The following CHIC1 variants were observed in gnomAD, a reference collection of about 807,000 sequenced individuals.
The protein encoded by CHIC1 is cysteine-rich hydrophobic domain-containing protein 1.
A neutral mutation model predicts 18.5 loss-of-function variants in CHIC1; 7 were observed. That is an observed-to-expected ratio of 0.38 (90% confidence interval 0.22 to 0.71). The LOEUF (loss-of-function observed/expected upper bound fraction) is 0.71, where lower values mean the gene tolerates loss of function less well. Ranked by LOEUF, CHIC1 falls within the 30% of genes least tolerant of loss-of-function variation. CHIC1 has a pLI of 0.49. For synonymous variants in CHIC1, 77 were observed against 73.5 expected (o/e 1.05, Z -0.25); for missense variants, 159 against 176.9 (o/e 0.90, Z 0.57).
intron 3 of CHIC1, among the ~76,000 whole-genome samples, chrX:73,675,935 A>G (rs2058060015): frequency 9.0e-6 from 1 of 110,498 alleles, no homozygotes; most frequent in Non-Finnish European, 1.9e-5. Flanking sequence ...TGGTGGTGAC[A>G]AAATCTCTCA....
At chrX:73,626,709 C>T (rs2057785058) in intron 3 of CHIC1, among the ~76,000 whole-genome samples, 1 of 110,843 alleles carries the variant, frequency 9.0e-6, no homozygotes, top group African/African-American at 3.3e-5. Context: ...TCTTTGTTAT[C>T]TTGAATTTCT....
intron 3 of CHIC1, among the ~76,000 whole-genome samples, chrX:73,636,810 T>C (rs2057833197): frequency 9.0e-6 from 1 of 111,282 alleles, no homozygotes; most frequent in South Asian, 3.8e-4. Flanking sequence ...TATATATCTG[T>C]TCCTCTGACA....
rs770180014 is a variant in CHIC1, at chrX:73,682,304, G to A, written c.*1299G>A. On this transcript the variant is annotated 3_prime_UTR_variant, in exon 6 of 6. Coordinates refer to ENST00000373502, the MANE Select transcript of CHIC1 (RefSeq NM_001039840.4). ...CTCTATTTTTCTTCACAATTAAAAT[G>A]ATTGCTAGCACCACACAACTAGAAT... is the stretch of plus-strand genomic sequence containing the variant. The A allele has an allele frequency of 9.0e-6, 1 of 111,716 alleles. No individual in the cohort carries two copies. The highest frequency in any genetic ancestry group is 1.9e-5 in the Non-Finnish European group (1 of 52,831). The allele number at this position is 111,716 out of a possible 1,213,427, so 9.2% of individuals were successfully genotyped here.
intron 3 of CHIC1, among the ~76,000 whole-genome samples, chrX:73,627,180 G>C (rs968843382): frequency 1.9e-5 from 2 of 105,409 alleles, no homozygotes; most frequent in African/African-American, 7.1e-5. Flanking sequence ...TCTCTGTTCT[G>C]AGCCATCTAA....
At chrX:73,670,503 T>A (rs1045535853) in intron 3 of CHIC1, among the ~76,000 whole-genome samples, 1 of 111,109 alleles carries the variant, frequency 9.0e-6, no homozygotes, top group Non-Finnish European at 1.9e-5. Flanking sequence ...ATCTATATTA[T>A]TTTTTCTACT....
chrX:73,590,577 A>G lies in CHIC1; in HGVS notation c.507+6005A>G, dbSNP rs1263023890. Among the ~76,000 whole-genome samples, 3 of 111,730 alleles carry G rather than the reference A, an allele frequency of 2.7e-5. No individual in the cohort carries two copies. The Admixed American group carries it at 2.9e-4, about 11-fold the overall frequency. ...AGCCATCATCATAGTATCGTACAGA[A>G]TAGCAGTTTCACTGCCCTAAAACTC... On this transcript the variant is annotated intron_variant, in intron 3 of 5. Coordinates refer to ENST00000373502, the MANE Select transcript of CHIC1 (RefSeq NM_001039840.4).
Position 73,601,515 on chromosome X carries a change from G to C in CHIC1, c.507+16943G>C, listed in dbSNP as rs1449493324. On this transcript the variant is annotated intron_variant, in intron 3 of 5. Transcript: ENST00000373502. ...TAAAGATGTTCTTTGAAACCAACGA[G>C]AACAAAGACACAACATACCAGAATG... 3.8e-5 allele frequency among the ~76,000 whole-genome samples: 4 copies of C among 106,467 alleles called. No homozygotes were observed. The East Asian group carries it at 1.2e-3, about 31-fold the overall frequency. The allele number at this position is 106,467 out of a possible 115,157, so 92.5% of individuals were successfully genotyped here.
intron 3 of CHIC1, among the ~76,000 whole-genome samples, chrX:73,601,613 G>T (rs1258581065): frequency 9.6e-6 from 1 of 103,745 alleles, no homozygotes; most frequent in Non-Finnish European, 1.9e-5. Flanking sequence ...AAGCAGGAAA[G>T]ATCCAAAATT....
chrX:73,638,960 T>A (rs2057842991), intron 3 of CHIC1, among the ~76,000 whole-genome samples: 1 of 112,154 alleles, frequency 8.9e-6, no homozygotes, highest in African/African-American at 3.2e-5. Context: ...ATGTCCTTGC[T>A]ATTGTCAGCA....
intron 3 of CHIC1, among the ~76,000 whole-genome samples, chrX:73,626,691 A>C (rs2057785002): frequency 1.8e-5 from 2 of 110,967 alleles, no homozygotes; most frequent in South Asian, 7.6e-4. Flanking sequence ...AGAATTCTGA[A>C]TTCTTTCTCT....
At chrX:73,607,538 A>AG (rs1411383833) in intron 3 of CHIC1, among the ~76,000 whole-genome samples, 2 of 108,048 alleles carry the variant, frequency 1.9e-5, no homozygotes, top group Non-Finnish European at 3.8e-5. Flanking sequence ...ATGAAAAAAA[A>AG]ACACTTCTGC....
At chrX:73,666,807 C>T (rs187740532) in intron 3 of CHIC1, among the ~76,000 whole-genome samples, 11 of 111,711 alleles carry the variant, frequency 9.8e-5, no homozygotes, top group African/African-American at 3.6e-4. Context: ...TACCATGTGG[C>T]GATGAGAAAA....
At position 73,602,297 on chromosome X, in the gene CHIC1, T is replaced by C. The variant is rs778702700; in HGVS notation, c.507+17725T>C. On this transcript the variant is annotated intron_variant, in intron 3 of 5. Transcript: ENST00000373502. ...GATGATGAGCTTTTTTTCATGTTTG[T>C]TGGCTGCATAAATGTCTTCTTTTGA... 8.6e-4 allele frequency among the ~76,000 whole-genome samples: 94 copies of C among 109,614 alleles called. 7 individuals carry two copies. The highest frequency in any genetic ancestry group is 3.2e-3 in the African/African-American group (91 of 28,339).
chrX:73,636,821 CTT>C (rs1457442535), intron 3 of CHIC1, among the ~76,000 whole-genome samples: 1 of 110,773 alleles, frequency 9.0e-6, no homozygotes, highest in African/African-American at 3.3e-5. Context: ...TCCTCTGACA[CTT>C]TGTTATTGAT....
chrX:73,601,206 A>G (rs1218909003), intron 3 of CHIC1, among the ~76,000 whole-genome samples: 1 of 105,035 alleles, frequency 9.5e-6, no homozygotes, highest in African/African-American at 3.7e-5. Flanking sequence ...TGCACCAAGC[A>G]GACCTAATAG....
chrX:73,655,198 C>A (rs189350702), intron 3 of CHIC1, among the ~76,000 whole-genome samples: 1 of 108,908 alleles, frequency 9.2e-6, no homozygotes, highest in Non-Finnish European at 1.9e-5. Context: ...ATAATGGCCT[C>A]GAGCTCCATT....
chrX:73,675,536 A>C (rs2058057279), intron 3 of CHIC1, among the ~76,000 whole-genome samples: 1 of 111,479 alleles, frequency 9.0e-6, no homozygotes, highest in Non-Finnish European at 1.9e-5. Flanking sequence ...CTGTTTTATC[A>C]GAGACTAGGA....
intron 3 of CHIC1, among the ~76,000 whole-genome samples, chrX:73,661,185 A>G (rs768245737): frequency 7.1e-4 from 80 of 112,214 alleles, no homozygotes; most frequent in African/African-American, 2.2e-3. Flanking sequence ...CCGCCCCATA[A>G]AGGCAAAAGT....
At chrX:73,615,907 G>A (rs1483930508) in intron 3 of CHIC1, among the ~76,000 whole-genome samples, 1 of 111,166 alleles carries the variant, frequency 9.0e-6, no homozygotes, top group African/African-American at 3.3e-5. Flanking sequence ...GGCCCTGGTG[G>A]TGGCAGCTCA....
Sources: gnomAD v4.1 joint callset for allele counts (sites outside exome capture counted in the v4.1 genomes callset) on GRCh38, gnomAD v4.1.1 for gene constraint, MANE v1.5 for transcripts, NCBI Gene and HGNC (gene_info 2026-07-23, HGNC 2026-07-21) for gene names.